The following CACNA2D3 variants were observed in gnomAD, a reference collection of about 807,000 sequenced individuals.
The protein encoded by CACNA2D3 is voltage-dependent calcium channel subunit alpha-2/delta-3.
In CACNA2D3, 60 loss-of-function variants were observed where a neutral mutation model predicts 160.6. The ratio of observed to expected loss-of-function variants is 0.37; its 90% CI spans 0.30 to 0.46. The LOEUF (loss-of-function observed/expected upper bound fraction) is 0.46, where lower values mean the gene tolerates loss of function less well. CACNA2D3 is among the 20% of genes least tolerant of loss of function. The pLI is 1.00. For synonymous variants in CACNA2D3, 558 were observed against 492.9 expected (o/e 1.13, Z -1.75); for missense variants, 1,205 against 1,365.0 (o/e 0.88, Z 1.85).
rs1314719904 is a variant in CACNA2D3, at chr3:54,564,445, C to T, written c.676+1514C>T. 5.5e-4 allele frequency among the ~76,000 whole-genome samples: 84 copies of T among 152,118 alleles called. 1 individual carries two copies. The highest frequency in any genetic ancestry group is 4.4e-5 in the Non-Finnish European group (3 of 68,034). On this transcript the variant is annotated intron_variant, in intron 6 of 37. Coordinates refer to ENST00000474759, the MANE Select transcript of CACNA2D3 (RefSeq NM_018398.3). The stretch of plus-strand genomic sequence containing the variant: ...TTTCTGTGTTAGTAAAGACGTGGGC[C>T]GCAGTCCACCAAGGTGTTTCAATGC...
chr3:54,758,292 A>G (rs905990246), intron 12 of CACNA2D3, among the ~76,000 whole-genome samples: 1 of 152,024 alleles, frequency 6.6e-6, no homozygotes, highest in Non-Finnish European at 1.5e-5. Context: ...TATTTTTAAC[A>G]TGGAGTTAGA....
intron 5 of CACNA2D3, among the ~76,000 whole-genome samples, chr3:54,557,678 T>C (rs2106697406): frequency 6.6e-6 from 1 of 152,298 alleles, no homozygotes; most frequent in East Asian, 1.9e-4. Flanking sequence ...TGCATCTTTG[T>C]GGATTAATTT....
intron 8 of CACNA2D3, among the ~76,000 whole-genome samples, chr3:54,576,324 A>T (rs2106730694): frequency 6.6e-6 from 1 of 152,206 alleles, no homozygotes; most frequent in Admixed American, 6.5e-5. Flanking sequence ...GTATGCTGGG[A>T]TTCTACACTA....
chr3:54,795,565 C>T (rs911655207), intron 13 of CACNA2D3, among the ~76,000 whole-genome samples: 2 of 152,178 alleles, frequency 1.3e-5, no homozygotes, highest in African/African-American at 2.4e-5. Flanking sequence ...ACCTATATAT[C>T]ACCTTGGCCC....
chr3:54,515,848 G>A lies in CACNA2D3; in HGVS notation c.544+12194G>A, dbSNP rs543679479. 5.3e-5 allele frequency among the ~76,000 whole-genome samples: 8 copies of A among 152,184 alleles called. No homozygotes were observed. In the South Asian group the frequency reaches 1.7e-3, roughly 32 times the overall value. On this transcript the variant is annotated intron_variant, in intron 5 of 37. Transcript: ENST00000474759. ...ACTGGAAACTGGGATTAGAAGTGAG[G>A]TTTTCTTGTCTCAAGAAGTGACTGT...
chr3:54,582,390 C>T (rs748338190), intron 9 of CACNA2D3, among the ~76,000 whole-genome samples: 24 of 152,298 alleles, frequency 1.6e-4, no homozygotes, highest in Non-Finnish European at 2.9e-4. Flanking sequence ...AAGGACGATA[C>T]GTTAAAGGAG....
intron 35 of CACNA2D3, among the ~76,000 whole-genome samples, chr3:55,066,908 C>G (rs1704653341): frequency 6.6e-6 from 1 of 152,180 alleles, no homozygotes; most frequent in Non-Finnish European, 1.5e-5. Flanking sequence ...GTCAGCCTGG[C>G]TGCTGGGCCC....
Position 54,377,766 on chromosome 3 carries a change from C to T in CACNA2D3, c.322-8949C>T, listed in dbSNP as rs1373793462. Among the ~76,000 whole-genome samples, 5 of 152,142 alleles carry T rather than the reference C, an allele frequency of 3.3e-5. No individual in the cohort carries two copies. In the East Asian group the frequency reaches 9.6e-4, roughly 29 times the overall value. Reference sequence around the variant, plus strand: ...AAATGTACCCCAAACTTCTTGAGGCCTAAGACTCAGTTATCTATTTATTGG... The same window carrying T: ...AAATGTACCCCAAACTTCTTGAGGCTTAAGACTCAGTTATCTATTTATTGG... On this transcript the variant is annotated intron_variant, in intron 3 of 37. Transcript: ENST00000474759.
At chr3:54,758,916 A>T (rs981617150) in intron 12 of CACNA2D3, among the ~76,000 whole-genome samples, 2 of 152,214 alleles carry the variant, frequency 1.3e-5, no homozygotes, top group Non-Finnish European at 2.9e-5. Flanking sequence ...CTGCCCACTG[A>T]GGACAGACTC....
intron 14 of CACNA2D3, among the ~76,000 whole-genome samples, chr3:54,834,597 TTATTA>T (rs1267564091): frequency 1.3e-5 from 2 of 152,234 alleles, no homozygotes; most frequent in African/African-American, 4.8e-5. Flanking sequence ...TATTTTTTGT[TTATTA>T]TATTGATGAA....
At chr3:54,169,078 T>C (rs956098010) in intron 2 of CACNA2D3, among the ~76,000 whole-genome samples, 1 of 152,234 alleles carries the variant, frequency 6.6e-6, no homozygotes, top group African/African-American at 2.4e-5. Context: ...ATGTTGCTTA[T>C]CCTGAGTCTG....
Position 54,763,791 on chromosome 3 carries a change from ATATATATG to A in CACNA2D3, c.1247-424_1247-417del, listed in dbSNP as rs1702147960. Among the ~76,000 whole-genome samples the A allele has an allele frequency of 1.9e-4, 8 of 42,122 alleles. 2 individuals are homozygous for A. Among genetic ancestry groups the A allele is most frequent in the African/African-American group, 7.1e-4 (8 of 11,316 alleles). The allele number at this position is 42,122 out of a possible 152,430, so 27.6% of individuals were successfully genotyped here. Reference sequence around the variant, plus strand: ...TATGTATATATGTACATATATATGTATATATATGTACATATATATACATATATATATAC... The same window carrying A: ...TATGTATATATGTACATATATATGTATACATATATATACATATATATATAC... On this transcript the variant is annotated intron_variant, in intron 12 of 37. Coordinates refer to ENST00000474759, the MANE Select transcript of CACNA2D3 (RefSeq NM_018398.3).
intron 3 of CACNA2D3, among the ~76,000 whole-genome samples, chr3:54,380,592 G>C (rs1699085315): frequency 6.6e-6 from 1 of 152,144 alleles, no homozygotes; most frequent in African/African-American, 2.4e-5. Flanking sequence ...CAAAAAATTA[G>C]CCAGGCATGG....
chr3:54,925,183 G>C, intron 27 of CACNA2D3: 1 of 1,613,320 alleles, frequency 6.2e-7, no homozygotes, highest in South Asian at 1.1e-5. Context: ...ACCTGGAGCA[G>C]GACAATCACA....
intron 4 of CACNA2D3, among the ~76,000 whole-genome samples, chr3:54,501,961 C>T (rs1468804904): frequency 6.6e-6 from 1 of 152,204 alleles, no homozygotes; most frequent in African/African-American, 2.4e-5. Flanking sequence ...CCATTCTCTT[C>T]TTGCCTGGAT....
intron 27 of CACNA2D3, among the ~76,000 whole-genome samples, chr3:54,958,895 G>A (rs533591653): frequency 6.6e-6 from 1 of 152,246 alleles, no homozygotes; most frequent in Non-Finnish European, 1.5e-5. Flanking sequence ...CTTGAACCCA[G>A]GAGTTTGAGA....
intron 27 of CACNA2D3, among the ~76,000 whole-genome samples, chr3:54,930,718 T>C (rs1701166393): frequency 6.6e-6 from 1 of 152,220 alleles, no homozygotes; most frequent in Admixed American, 6.5e-5. Context: ...CTGTAGAATG[T>C]AGATAATACC....
rs140161618 is a variant in CACNA2D3, at chr3:54,146,394, G to A, written c.204+22800G>A. ...CCACGGATAGTGGGGACAAAGGCAG[G>A]CCTTTTGGGAACAATGCTGCTCTCT... On this transcript the variant is annotated intron_variant, in intron 2 of 37. Transcript: ENST00000474759. 2.3e-4 allele frequency among the ~76,000 whole-genome samples: 35 copies of A among 152,328 alleles called. No homozygotes were observed. In the East Asian group the frequency reaches 5.8e-3, roughly 25 times the overall value.
chr3:54,475,958 C>T lies in CACNA2D3; in HGVS notation c.382-27534C>T, dbSNP rs144152396. 1.8e-4 allele frequency among the ~76,000 whole-genome samples: 28 copies of T among 151,488 alleles called. No homozygotes were observed. The East Asian group carries it at 5.2e-3, about 28-fold the overall frequency. The stretch of plus-strand genomic sequence containing the variant: ...TCTGCAGAACTCACTCATCATATAA[C>T]TGTAAGTGTGTATCCTTTGACCAAC... On this transcript the variant is annotated intron_variant, in intron 4 of 37. Coordinates refer to ENST00000474759, the MANE Select transcript of CACNA2D3 (RefSeq NM_018398.3).
Sources: allele counts gnomAD v4.1 joint callset (sites outside exome capture counted in the v4.1 genomes callset), GRCh38; gene constraint gnomAD v4.1.1; transcripts MANE v1.5; gene names NCBI Gene and HGNC (gene_info 2026-07-23, HGNC 2026-07-21).